The following RUNX1 variants were observed in gnomAD, a reference collection of about 807,000 sequenced individuals.
The protein encoded by RUNX1 is runt-related transcription factor 1.
Under a neutral mutation model 42.8 loss-of-function variants are expected in RUNX1, and 19 were observed. The ratio of observed to expected loss-of-function variants is 0.44; its 90% CI spans 0.31 to 0.65. The LOEUF (loss-of-function observed/expected upper bound fraction) is 0.65. RUNX1 is among the 30% of genes least tolerant of loss of function. The probability of loss-of-function intolerance (pLI) is 0.07; values close to 1 mark genes in which losing one functional copy is unlikely to be tolerated. For synonymous variants in RUNX1, 271 were observed against 289.4 expected (o/e 0.94, Z 0.64); for missense variants, 528 against 672.0 (o/e 0.79, Z 2.37).
intron 2 of RUNX1, among the ~76,000 whole-genome samples, chr21:34,939,594 C>T (rs374722979): frequency 6.6e-6 from 1 of 152,170 alleles, no homozygotes; most frequent in Non-Finnish European, 1.5e-5. Flanking sequence ...CACACTAGCA[C>T]TTAGGCCCCA....
intron 2 of RUNX1, among the ~76,000 whole-genome samples, chr21:34,978,937 T>TACACACACACAC (rs10673190): frequency 0.083 from 11,121 of 134,022 alleles, 628 homozygotes; most frequent in Middle Eastern, 0.099. Flanking sequence ...CACACACAGA[T>TACACACACACAC]ACACACACAC....
rs150355788 is a variant in RUNX1, at chr21:34,879,211, C to T, written c.508+1346G>A. 1.9e-4 allele frequency among the ~76,000 whole-genome samples: 29 copies of T among 152,300 alleles called. No individual in the cohort carries two copies. In the East Asian group the frequency reaches 5.4e-3, roughly 28 times the overall value. ...TACTGAAAGGTGGGGACTTTTAATA[C>T]AACAAGTGAACCCATTTAATGACTT... On this transcript the variant is annotated intron_variant, in intron 5 of 8. Transcript: ENST00000675419.
At chr21:35,033,158 T>C (rs147043557) in intron 2 of RUNX1, among the ~76,000 whole-genome samples, 3 of 152,240 alleles carry the variant, frequency 2.0e-5, no homozygotes, top group Admixed American at 6.5e-5. Context: ...TGTCCATCCA[T>C]GCATTTGCCT....
At chr21:35,030,894 G>A (rs2059268098) in intron 2 of RUNX1, among the ~76,000 whole-genome samples, 1 of 152,122 alleles carries the variant, frequency 6.6e-6, no homozygotes, top group Admixed American at 6.6e-5. Flanking sequence ...AATAAATAAT[G>A]TGATTTAAAA....
chr21:34,827,877 G>C (rs1004165527), intron 7 of RUNX1, among the ~76,000 whole-genome samples: 2 of 152,224 alleles, frequency 1.3e-5, no homozygotes, highest in African/African-American at 4.8e-5. Context: ...CTGCCTAGAA[G>C]CTCAGGCCAA....
chr21:34,928,491 C>T (rs1375580156), intron 2 of RUNX1, among the ~76,000 whole-genome samples: 2 of 151,962 alleles, frequency 1.3e-5, no homozygotes, highest in Non-Finnish European at 2.9e-5. Context: ...GTCAGGAGAT[C>T]GAGACCAGCC....
chr21:34,799,927 T>A (rs998954433), intron 7 of RUNX1, among the ~76,000 whole-genome samples: 4 of 152,218 alleles, frequency 2.6e-5, no homozygotes, highest in Admixed American at 1.3e-4. Flanking sequence ...GCTTTTTTTT[T>A]ATACCTTTAC....
chr21:34,949,511 G>A (rs1339153729), intron 2 of RUNX1, among the ~76,000 whole-genome samples: 1 of 152,236 alleles, frequency 6.6e-6, no homozygotes, highest in African/African-American at 2.4e-5. Flanking sequence ...TTGTTTGGCT[G>A]AGGAATGGTT....
At chr21:34,866,924 A>G (rs148316467) in intron 5 of RUNX1, among the ~76,000 whole-genome samples, 2 of 152,370 alleles carry the variant, frequency 1.3e-5, no homozygotes, top group East Asian at 3.9e-4. Context: ...TCAGTTTTCC[A>G]TGGAAATGGC....
chr21:34,805,881 T>C (rs971329667), intron 7 of RUNX1, among the ~76,000 whole-genome samples: 1 of 152,202 alleles, frequency 6.6e-6, no homozygotes, highest in African/African-American at 2.4e-5. Flanking sequence ...GCAGTAATGA[T>C]ATAAACAGGA....
chr21:34,805,466 A>C lies in RUNX1; in HGVS notation c.806-6004T>G, dbSNP rs557792005. The stretch of plus-strand genomic sequence containing the variant: ...AAAGAGAAGAGAAAATCTTGAAAGA[A>C]GCTAGAGAGGGGGAAAAGCCAACAC... On this transcript the variant is annotated intron_variant, in intron 7 of 8. Coordinates refer to ENST00000675419, the MANE Select transcript of RUNX1 (RefSeq NM_001754.5). 2.0e-5 allele frequency among the ~76,000 whole-genome samples: 3 copies of C among 152,340 alleles called. No homozygotes were observed. In the South Asian group the frequency reaches 6.2e-4, roughly 32 times the overall value.
chr21:34,972,847 G>A (rs2058772830), intron 2 of RUNX1, among the ~76,000 whole-genome samples: 1 of 152,096 alleles, frequency 6.6e-6, no homozygotes, highest in African/African-American at 2.4e-5. Context: ...CCCACGGGTT[G>A]GAGAGAGCCT....
intron 2 of RUNX1, among the ~76,000 whole-genome samples, chr21:34,906,390 A>G (rs1394777153): frequency 6.6e-6 from 1 of 152,244 alleles, no homozygotes; most frequent in Non-Finnish European, 1.5e-5. Flanking sequence ...ATAGGGTTAT[A>G]ACAACTGAGC....
At chr21:34,814,003 T>C (rs956003738) in intron 7 of RUNX1, among the ~76,000 whole-genome samples, 2 of 152,086 alleles carry the variant, frequency 1.3e-5, no homozygotes, top group African/African-American at 4.8e-5. Context: ...CCCATCAATC[T>C]AGTTACCATG....
chr21:34,990,628 T>C (rs184021518), intron 2 of RUNX1, among the ~76,000 whole-genome samples: 1 of 151,440 alleles, frequency 6.6e-6, no homozygotes, highest in Admixed American at 6.6e-5. Context: ...ACGGATATAA[T>C]GTTGGGATAT....
At chr21:35,008,368 T>C (rs1363262394) in intron 2 of RUNX1, among the ~76,000 whole-genome samples, 3 of 152,224 alleles carry the variant, frequency 2.0e-5, no homozygotes, top group Admixed American at 6.5e-5. Flanking sequence ...CCCTCCTCCA[T>C]AGCAACTAGC....
intron 5 of RUNX1, among the ~76,000 whole-genome samples, chr21:34,869,368 C>A (rs1457646337): frequency 6.6e-6 from 1 of 152,182 alleles, no homozygotes; most frequent in Admixed American, 6.5e-5. Context: ...GAGGCTGGCA[C>A]ATCTGAGTCC....
At chr21:34,961,121 A>G (rs2058679091) in intron 2 of RUNX1, among the ~76,000 whole-genome samples, 1 of 152,174 alleles carries the variant, frequency 6.6e-6, no homozygotes, top group Admixed American at 6.5e-5. Flanking sequence ...CACGCCTGTA[A>G]TCCCAGCACT....
intron 2 of RUNX1, among the ~76,000 whole-genome samples, chr21:35,042,444 C>T (rs2059365825): frequency 6.6e-6 from 1 of 152,208 alleles, no homozygotes; most frequent in African/African-American, 2.4e-5. Flanking sequence ...CACGAGACAT[C>T]TGCTCCCAGC....
Sources: gnomAD v4.1 joint callset for allele counts (sites outside exome capture counted in the v4.1 genomes callset) on GRCh38, gnomAD v4.1.1 for gene constraint, MANE v1.5 for transcripts, NCBI Gene and HGNC (gene_info 2026-07-23, HGNC 2026-07-21) for gene names.